KLF15: variants seen among roughly 807,000 people sequenced by gnomAD.
KLF15 encodes the protein Krueppel-like factor 15.
A neutral mutation model predicts 24.6 loss-of-function variants in KLF15; 4 were observed. That is an observed-to-expected ratio of 0.16 (90% CI 0.08 to 0.37). The LOEUF (loss-of-function observed/expected upper bound fraction) is 0.37, where lower values mean the gene tolerates loss of function less well. Ranked by LOEUF, KLF15 falls within the 10% of genes least tolerant of loss-of-function variation. The probability of loss-of-function intolerance (pLI) is 1.00; values close to 1 mark genes in which losing one functional copy is unlikely to be tolerated. For synonymous variants in KLF15, 246 were observed against 236.3 expected, an observed-to-expected ratio of 1.04 and a Z score of -0.37; for missense variants, 496 against 560.6, an observed-to-expected ratio of 0.88 and a Z score of 1.16.
Position 126,343,812 on chromosome 3 carries a change from T to G in KLF15, c.1166A>C (p.Lys389Thr). The change falls in exon 3 of 3, where the codon AAG becomes ACG. Residue 389 changes from lysine (K) to threonine (T), a missense_variant. Lys to Thr is a moderately conservative substitution (Grantham distance 78, BLOSUM62 -1). Around this residue, in one of 3 missense-constraint regions of KLF15, gnomAD observed 59 missense variants for 106.1 expected, o/e 0.56. Transcript: ENST00000296233. The part of the protein sequence containing the change: ...KPYQCPVCEK[K>T]FARSDHLSKH... Reference sequence around the variant, plus strand: ...GGAGAGGTGGTCGCTCCGCGCGAACTTCTTCTCGCACACAGGACACTGGTA... The same window carrying G: ...GGAGAGGTGGTCGCTCCGCGCGAACGTCTTCTCGCACACAGGACACTGGTA... The G allele has an allele frequency of 6.2e-7, 1 of 1,611,766 alleles. No individual in the cohort carries two copies. Among genetic ancestry groups the G allele is most frequent in the South Asian group, 1.1e-5 (1 of 90,990 alleles).
rs1052285675 is a variant in KLF15 at position 126,356,965 on chromosome 3, G to C, written c.-26+272C>G. Among the ~76,000 whole-genome samples the C allele has an allele frequency of 6.6e-6, 1 of 151,688 alleles. No homozygotes were observed. On this transcript the variant is annotated intron_variant, in intron 1 of 2. Transcript: ENST00000296233. This position sits in a 1 kb window ranked among gnomAD's most constrained non-coding sequence, Gnocchi z 4.4. ...AGGGCCGGCCCGCAAGGCGCGCCAC[G>C]GAATCGCCCGGCCAGGCACCGAGGC...
chr3:126,341,032 G>A (rs1235479732), downstream of KLF15, among the ~76,000 whole-genome samples: 1 of 152,194 alleles, frequency 6.6e-6, no homozygotes, highest in Non-Finnish European at 1.5e-5. Flanking sequence ...CTGAAATCTA[G>A]AGAGGTCTAG....
At chr3:126,351,608 C>G (rs1453424632) in intron 2 of KLF15, among the ~76,000 whole-genome samples, 1 of 152,192 alleles carries the variant, frequency 6.6e-6, no homozygotes, top group African/African-American at 2.4e-5. Context: ...GCCAGTGAAG[C>G]CTTACCTGGC....
chr3:126,320,404 T>C, the KLF15 span, among the ~76,000 whole-genome samples: 1 of 152,234 alleles, frequency 6.6e-6, no homozygotes, highest in Non-Finnish European at 1.5e-5. Flanking sequence ...CTCATGTACA[T>C]ATATGTGAAT....
At chr3:126,308,598 C>T in the KLF15 span, among the ~76,000 whole-genome samples, 1 of 152,168 alleles carries the variant, frequency 6.6e-6, no homozygotes, top group African/African-American at 2.4e-5. Flanking sequence ...GAAGTCATGG[C>T]TTGGTGTGGC....
chr3:126,292,146 A>T, the KLF15 span, among the ~76,000 whole-genome samples: 4 of 152,166 alleles, frequency 2.6e-5, no homozygotes, highest in African/African-American at 9.7e-5. Context: ...TGTGGAGCAG[A>T]TTCCCTGTGG....
chr3:126,309,560 C>T, the KLF15 span, among the ~76,000 whole-genome samples: 13 of 152,300 alleles, frequency 8.5e-5, no homozygotes, highest in Admixed American at 2.0e-4. Context: ...GTTTATTAAT[C>T]GGCGCACACA....
chr3:126,301,286 G>T, the KLF15 span, among the ~76,000 whole-genome samples: 1 of 152,152 alleles, frequency 6.6e-6, no homozygotes, highest in Non-Finnish European at 1.5e-5. Flanking sequence ...TCGCTTTCTC[G>T]CTAACAAGGA....
At chr3:126,342,214 AG>A (rs1377440956), downstream of KLF15, among the ~76,000 whole-genome samples, 1 of 152,318 alleles carries the variant, frequency 6.6e-6, no homozygotes, top group African/African-American at 2.4e-5. Context: ...CACGTTCCTA[AG>A]GGGGTAAATA....
chr3:126,329,838 CTTT>C, the KLF15 span, among the ~76,000 whole-genome samples: 656 of 141,774 alleles, frequency 4.6e-3, no homozygotes, highest in African/African-American at 0.012. Context: ...TATTATTACA[CTTT>C]TTTTTTTTTT....
Position 126,356,433 on chromosome 3 carries a change from T to G in KLF15, c.-26+804A>C, listed in dbSNP as rs1307086806. The stretch of plus-strand genomic sequence containing the variant: ...TAACACCAAGGCGGGGAGGGAAGAG[T>G]GAACCGGACCACCATATGGGATGGG... On this transcript the variant is annotated intron_variant, in intron 1 of 2. Coordinates refer to ENST00000296233, the MANE Select transcript of KLF15 (RefSeq NM_014079.4). This position sits in a 1 kb window ranked among gnomAD's most constrained non-coding sequence, Gnocchi z 4.4. Among the ~76,000 whole-genome samples, 1 of 151,084 alleles carries G rather than the reference T, an allele frequency of 6.6e-6. No homozygotes were observed. Among genetic ancestry groups the G allele is most frequent in the African/African-American group, 2.4e-5 (1 of 41,042 alleles).
chr3:126,324,806 C>CTTTTTTTT, the KLF15 span, among the ~76,000 whole-genome samples: 13 of 59,578 alleles, frequency 2.2e-4, no homozygotes, highest in Non-Finnish European at 3.0e-4. Flanking sequence ...TTTTTTCGCT[C>CTTTTTTTT]TTTTTTTTTT....
At chr3:126,340,150 G>A (rs2082469665), downstream of KLF15, among the ~76,000 whole-genome samples, 1 of 152,210 alleles carries the variant, frequency 6.6e-6, no homozygotes, top group Non-Finnish European at 1.5e-5. Context: ...GCTTACAATG[G>A]AAACTCCTGG....
intron 2 of KLF15, among the ~76,000 whole-genome samples, chr3:126,348,070 G>C (rs1228386783): frequency 1.3e-5 from 2 of 152,198 alleles, no homozygotes; most frequent in Non-Finnish European, 2.9e-5. Context: ...GCTGCAGATG[G>C]AGGTGGAGGT....
rs1325510067 is a variant in KLF15 at position 126,343,862 on chromosome 3, C to T, written c.1116G>A (p.Arg372=). 1 of 1,602,390 alleles carries T rather than the reference C, an allele frequency of 6.2e-7. No individual in the cohort carries two copies. The highest frequency in any genetic ancestry group is 2.2e-5 in the East Asian group (1 of 44,560). Residue 372 remains arginine (R), a synonymous_variant, in exon 3 of 3, where the codon AGG becomes AGA. Transcript: ENST00000296233. ...ACGGCTTCACACCTGAGTGCGAGCG[C>T]CTGTGCCGCGACAGCTCGTCAGAGC... The part of the protein sequence containing the change: ...FSRSDELSRH[R]RSHSGVKPYQ...
chr3:126,313,793 C>G, the KLF15 span, among the ~76,000 whole-genome samples: 1 of 152,250 alleles, frequency 6.6e-6, no homozygotes, highest in African/African-American at 2.4e-5. Context: ...TGCTCTCACT[C>G]CTGTGGTCTG....
chr3:126,309,816 G>A, the KLF15 span, among the ~76,000 whole-genome samples: 1 of 152,184 alleles, frequency 6.6e-6, no homozygotes. Context: ...AGAACGTCAG[G>A]AAGTGCTCAG....
In KLF15 at chr3:126,343,681, G is replaced by A. The variant is rs746899019; in HGVS notation, c.*46C>T. 6.4e-7 allele frequency: 1 copy of A among 1,551,826 alleles called. No homozygotes were observed. Among genetic ancestry groups the A allele is most frequent in the Admixed American group, 2.1e-5 (1 of 48,072 alleles). On this transcript the variant is annotated 3_prime_UTR_variant, in exon 3 of 3. Coordinates refer to ENST00000296233, the MANE Select transcript of KLF15 (RefSeq NM_014079.4). ...AATTATTGCTTAAAAAAATGGGGAT[G>A]GGGTGGGGATCCGGGGTGACGGACA...
the KLF15 span, among the ~76,000 whole-genome samples, chr3:126,329,955 C>T: frequency 1.3e-5 from 2 of 151,868 alleles, no homozygotes; most frequent in Admixed American, 6.6e-5. Flanking sequence ...TGTGTTAGTG[C>T]CCTCAGTGAT....
Sources: gnomAD v4.1 joint callset for allele counts (sites outside exome capture counted in the v4.1 genomes callset) on GRCh38, gnomAD v4.1.1 for gene constraint, gnomAD v4.1.1 regional missense constraint, Gnocchi (gnomAD v3.1) non-coding constraint, MANE v1.5 for transcripts, NCBI Gene and HGNC (gene_info 2026-07-23, HGNC 2026-07-21) for gene names.